RBM33: variants seen among roughly 807,000 people sequenced by gnomAD.
The protein encoded by RBM33 is RNA binding motif protein 33.
A neutral mutation model predicts 132.6 loss-of-function variants in RBM33; 28 were observed. The observed-to-expected ratio is 0.21, with a 90% CI of 0.16 to 0.29. The LOEUF (loss-of-function observed/expected upper bound fraction) is 0.29, where lower values mean the gene tolerates loss of function less well. Ranked by LOEUF, RBM33 falls within the 10% of genes least tolerant of loss-of-function variation. The pLI is 1.00. For synonymous variants in RBM33, 634 were observed against 593.0 expected, an observed-to-expected ratio of 1.07 and a Z score of -1.01; for missense variants, 1,291 against 1,518.5, an observed-to-expected ratio of 0.85 and a Z score of 2.49.
rs571310218 is a variant in RBM33, at chr7:155,739,825, G to A, written c.1848G>A (p.Pro616=). The A allele has an allele frequency of 0.013, 2,121 of 164,306 alleles. 4 individuals are homozygous for A. Among genetic ancestry groups the A allele is most frequent in the Middle Eastern group, 0.016 (9 of 560 alleles). 10.2% of individuals were successfully genotyped at this position (164,306 alleles called of 1,614,324 possible). A position where few individuals can be genotyped will look rare whatever the true frequency, so the allele number is the denominator to read the frequency against. The change falls in exon 12 of 18, where the codon CCG becomes CCA. Residue 616 remains proline, a synonymous_variant. Coordinates refer to ENST00000401878, the MANE Select transcript of RBM33 (RefSeq NM_053043.3). ...CGCACCAGCCCCCGCACCAGCCCCC[G>A]CCCCAGCACCAGCCCCCACCCCAGC... ...QPPHQPPHQP[P]PQHQPPPQHP...
chr7:155,680,930 T>C, intron 5 of RBM33, 22 bp downstream of exon 5: 1 of 1,590,422 alleles, frequency 6.3e-7, no homozygotes, highest in East Asian at 2.2e-5. Context: ...CTCCTTTGTA[T>C]GGCCAAAGAT....
intron 4 of RBM33, 46 bp from the exon 5 acceptor site, chr7:155,680,544 C>G: frequency 7.5e-7 from 1 of 1,325,368 alleles, no homozygotes; most frequent in Non-Finnish European, 1.0e-6. Flanking sequence ...AGTTTGAGCT[C>G]CTCTCTTCAT....
At chr7:155,673,531 CAT>C (rs570858327) in intron 3 of RBM33, among the ~76,000 whole-genome samples, 1,956 of 120,520 alleles carry the variant, frequency 0.016, 124 homozygotes, top group African/African-American at 0.033. Context: ...TATATACACA[CAT>C]ATATACATAC....
At chr7:155,716,612 G>A (rs73737004) in intron 8 of RBM33, among the ~76,000 whole-genome samples, 3,794 of 152,078 alleles carry the variant, frequency 0.025, 145 homozygotes, top group African/African-American at 0.085. Context: ...TAAAAATCAC[G>A]TCTTTACATT....
chr7:155,718,402 C>G lies in RBM33; in HGVS notation c.1219C>G (p.Pro407Ala). The change falls in exon 9 of 18, where the codon CCG (proline) becomes GCG (alanine). Residue 407 changes from proline to alanine, a missense_variant. Physicochemically the swap from Pro to Ala is conservative, Grantham distance 27. Around this residue, in one of 7 missense-constraint regions of RBM33, gnomAD observed 841 missense variants for 912.0 expected, o/e 0.92. Coordinates refer to ENST00000401878, the MANE Select transcript of RBM33 (RefSeq NM_053043.3). ...TCTTGCAGTGCCCTTGCTACCAGTT[C>G]CGAGCCAGCCGAGACCTGCCGTGGG... ...TPVQVPLLPV[P>A]SQPRPAVGPQ... 1.9e-6 allele frequency: 3 copies of G among 1,613,784 alleles called. No individual in the cohort carries two copies. The highest frequency in any genetic ancestry group is 1.7e-6 in the Non-Finnish European group (2 of 1,179,844).
rs565155132 is a variant in RBM33 at position 155,661,441 on chromosome 7, T to C, written c.44-3734T>C. ...TTTTTTTTCCCAGACAGAGTCTTGC[T>C]CTGTGGCCCAGGCTGGAGTGCAGTG... On this transcript the variant is annotated intron_variant, in intron 1 of 17. Coordinates refer to ENST00000401878, the MANE Select transcript of RBM33 (RefSeq NM_053043.3). Among the ~76,000 whole-genome samples the C allele has an allele frequency of 9.4e-5, 14 of 149,154 alleles. No individual in the cohort carries two copies. The South Asian group carries it at 3.0e-3, about 32-fold the overall frequency.
In RBM33 at chr7:155,718,393, C is replaced by G. The variant is rs1485850342; in HGVS notation, c.1210C>G (p.Leu404Val). 5 of 1,613,674 alleles carry G rather than the reference C, an allele frequency of 3.1e-6. No homozygotes were observed. In the African/African-American group the frequency reaches 5.3e-5, roughly 17 times the overall value. Reference sequence around the variant, plus strand: ...AGGGGTTTTTCTTGCAGTGCCCTTGCTACCAGTTCCGAGCCAGCCGAGACC... The same window carrying G: ...AGGGGTTTTTCTTGCAGTGCCCTTGGTACCAGTTCCGAGCCAGCCGAGACC... Reference protein sequence around the residue: ...TVVTPVQVPLLPVPSQPRPAV... With the variant: ...TVVTPVQVPLVPVPSQPRPAV... Residue 404 changes from leucine (L) to valine (V), a missense_variant, in exon 9 of 18, where the codon CTA (leucine) becomes GTA (valine). Around this residue, in one of 7 missense-constraint regions of RBM33, gnomAD observed 841 missense variants for 912.0 expected, o/e 0.92. Coordinates refer to ENST00000401878, the MANE Select transcript of RBM33 (RefSeq NM_053043.3).
At chr7:155,697,957 C>T (rs1799844604) in intron 5 of RBM33, among the ~76,000 whole-genome samples, 1 of 152,178 alleles carries the variant, frequency 6.6e-6, no homozygotes, top group African/African-American at 2.4e-5. Context: ...GATTTACATG[C>T]ACATTTAAAT....
intron 9 of RBM33, among the ~76,000 whole-genome samples, chr7:155,729,295 T>A (rs1305828334): frequency 6.6e-6 from 1 of 152,138 alleles, no homozygotes; most frequent in African/African-American, 2.4e-5. Context: ...GAGATGAGAT[T>A]TGGGTGGGGA....
chr7:155,673,443 T>TATACCCACATATATATATACATACAC (rs1350942553), intron 3 of RBM33, among the ~76,000 whole-genome samples: 2 of 145,642 alleles, frequency 1.4e-5, no homozygotes, highest in African/African-American at 5.0e-5. Flanking sequence ...TGTGTGTGTA[T>TATACCCACATATATATATACATACAC]GTGTATATAT....
intron 16 of RBM33, among the ~76,000 whole-genome samples, chr7:155,771,065 C>T (rs1802410981): frequency 6.6e-6 from 1 of 152,188 alleles, no homozygotes; most frequent in South Asian, 2.1e-4. Flanking sequence ...AGGCTTTCCC[C>T]TCTCCCTGCC....
At chr7:155,667,243 T>C (rs1210594217) in intron 2 of RBM33, among the ~76,000 whole-genome samples, 1 of 152,166 alleles carries the variant, frequency 6.6e-6, no homozygotes, top group Non-Finnish European at 1.5e-5. Flanking sequence ...CATCCAGTTC[T>C]ATATATGTGA....
chr7:155,645,088 T>C, intron 1 of RBM33, 169 bp downstream of exon 1: 1 of 522,216 alleles, frequency 1.9e-6, no homozygotes, highest in Non-Finnish European at 3.3e-6. Context: ...ATTGTCATTC[T>C]CCCTTTCTCG....
chr7:155,700,740 G>A lies in RBM33; in HGVS notation c.568-33G>A, dbSNP rs1226757474. 6.2e-6 allele frequency: 9 copies of A among 1,453,530 alleles called. No individual in the cohort carries two copies. In the African/African-American group the frequency reaches 1.1e-4, roughly 18 times the overall value. The allele number at this position is 1,453,530 out of a possible 1,614,324, so 90.0% of individuals were successfully genotyped here. A position where few individuals can be genotyped will look rare whatever the true frequency, so the allele number is the denominator to read the frequency against. ...TAATTCAAAAGAATATGAACTTACT[G>A]TCCTTTTTTTGCCTTGTGTATCTGC... is the stretch of plus-strand genomic sequence containing the variant. On this transcript the variant is annotated intron_variant, in intron 5 of 17. Transcript: ENST00000401878.
At chr7:155,688,687 G>C (rs1018339629) in intron 5 of RBM33, among the ~76,000 whole-genome samples, 2 of 152,156 alleles carry the variant, frequency 1.3e-5, no homozygotes, top group Non-Finnish European at 2.9e-5. Context: ...TTAGCATGAA[G>C]GGCTGTTAAA....
chr7:155,728,348 G>A (rs1251254279), intron 9 of RBM33, among the ~76,000 whole-genome samples: 1 of 152,100 alleles, frequency 6.6e-6, no homozygotes, highest in Non-Finnish European at 1.5e-5. Context: ...ATGACATAAT[G>A]TTACCTCCCT....
intron 1 of RBM33, among the ~76,000 whole-genome samples, chr7:155,648,573 T>C (rs1388273643): frequency 6.6e-6 from 1 of 152,226 alleles, no homozygotes; most frequent in South Asian, 2.1e-4. Flanking sequence ...TCACTAATAG[T>C]GCTGATAAAT....
chr7:155,781,034 C>T lies in RBM33; in HGVS notation c.*5993C>T, dbSNP rs1802809952. 6.5e-6 allele frequency: 1 copy of T among 152,770 alleles called. No homozygotes were observed. The allele number at this position is 152,770 out of a possible 1,614,324, so 9.5% of individuals were successfully genotyped here. The stretch of plus-strand genomic sequence containing the variant: ...GAGTTCAGTGTTAGTGGTAGCGTGG[C>T]TCACTCCACTTGGAGGTGGCGGCCG... On this transcript the variant is annotated 3_prime_UTR_variant, in exon 18 of 18. Transcript: ENST00000401878.
At chr7:155,661,400 T>TC in intron 1 of RBM33, among the ~76,000 whole-genome samples, 1 of 149,492 alleles carries the variant, frequency 6.7e-6, no homozygotes, top group Admixed American at 6.6e-5. Flanking sequence ...TTTTTTTTTT[T>TC]CTTTCTTTTT....
Sources: allele counts gnomAD v4.1 joint callset (sites outside exome capture counted in the v4.1 genomes callset), GRCh38; gene constraint gnomAD v4.1.1; regional missense constraint gnomAD v4.1.1; transcripts MANE v1.5; gene names NCBI Gene and HGNC (gene_info 2026-07-23, HGNC 2026-07-21).